The following KRT27 variants were observed in gnomAD, a reference collection of about 807,000 sequenced individuals.
The protein encoded by KRT27 is keratin, type I cytoskeletal 27.
Under a neutral mutation model 45.3 loss-of-function variants are expected in KRT27, and 30 were observed. The observed-to-expected ratio is 0.66, with a 90% CI of 0.50 to 0.90. The LOEUF (loss-of-function observed/expected upper bound fraction) is 0.90. Among genes scored for constraint, KRT27 ranks in the 40% least tolerant of loss-of-function variants. KRT27 has a pLI of 0.00. For missense variants in KRT27, 610 were observed against 564.3 expected, an observed-to-expected ratio of 1.08 and a Z score of -0.82; for synonymous variants, 204 against 223.9, an observed-to-expected ratio of 0.91 and a Z score of 0.79.
In KRT27 at chr17:40,782,444, C is replaced by G. The variant is rs1380860223; in HGVS notation, c.50G>C (p.Gly17Ala). ...STSRRLGSCGGTGSVRLSSGG... is the reference protein window; with the variant it reads ...STSRRLGSCGATGSVRLSSGG... The stretch of plus-strand genomic sequence containing the variant: ...ACTAGAGAGCCTCACAGAGCCAGTG[C>G]CCCCGCAAGAGCCAAGTCTCCTGGA... The change falls in exon 1 of 8, where the codon GGC becomes GCC. Residue 17 changes from glycine (G) to alanine (A), a missense_variant. Gly to Ala is a moderately conservative substitution (Grantham distance 60). Coordinates refer to ENST00000301656, the MANE Select transcript of KRT27 (RefSeq NM_181537.4). 4 of 1,606,070 alleles carry G rather than the reference C, an allele frequency of 2.5e-6. No homozygotes were observed. The highest frequency in any genetic ancestry group is 3.4e-6 in the Non-Finnish European group (4 of 1,176,242).
chr17:40,779,641 G>C lies in KRT27; in HGVS notation c.847-14C>G. ...CAGCGAGGCGCTCTGGAACGGCAGG[G>C]GCCGCGTTAGGGCGCTGGGGCTGAG... On this transcript the variant is annotated splice_polypyrimidine_tract_variant and intron_variant, in intron 4 of 7. Transcript: ENST00000301656. The C allele has an allele frequency of 2.5e-6, 4 of 1,613,950 alleles. No individual in the cohort carries two copies. Among genetic ancestry groups the C allele is most frequent in the South Asian group, 1.1e-5 (1 of 91,068 alleles).
rs150905404 is a variant in KRT27, at chr17:40,777,700, G to C, written c.1005C>G (p.Thr335=). Residue 335 remains threonine (T), a synonymous_variant, in exon 6 of 8, where the codon ACC becomes ACG. Coordinates refer to ENST00000301656, the MANE Select transcript of KRT27 (RefSeq NM_181537.4). ...CCAGCTGTGCACAGTAGTTACTCTCGGTCTCTGTCAAGGAGCACTCCAGGG... is the reference window on the plus strand; with the variant it reads ...CCAGCTGTGCACAGTAGTTACTCTCCGTCTCTGTCAAGGAGCACTCCAGGG... ...KHSLECSLTE[T]ESNYCAQLAQ... is the part of the protein sequence containing the mutation. 8.1e-6 allele frequency: 13 copies of C among 1,614,034 alleles called. No homozygotes were observed. The highest frequency in any genetic ancestry group is 1.7e-5 in the Admixed American group (1 of 60,016).
intron 5 of KRT27, among the ~76,000 whole-genome samples, chr17:40,779,124 T>C (rs1384681493): frequency 6.6e-6 from 1 of 152,176 alleles, no homozygotes; most frequent in Non-Finnish European, 1.5e-5. Flanking sequence ...AACCAACCTC[T>C]TCCTATCCCC....
rs945101341 is a variant in KRT27 at position 40,777,094 on chromosome 17, C to A, written c.1285G>T (p.Asp429Tyr). ...GATGAGAGAACTTTGCCACGAGGAT[C>A]TATCTCTTCAACAACTGTTTTGACA... ...TIVKTVVEEI[D>Y]PRGKVLSSRV... Residue 429 changes from aspartate (D) to tyrosine (Y), a missense_variant, in exon 8 of 8, where the codon GAT becomes TAT. Physicochemically the swap from Asp to Tyr is radical, Grantham distance 160. Transcript: ENST00000301656. The A allele has an allele frequency of 1.2e-6, 2 of 1,613,924 alleles. No homozygotes were observed. Among genetic ancestry groups the A allele is most frequent in the African/African-American group, 2.7e-5 (2 of 74,912 alleles).
Position 40,779,498 on chromosome 17 carries a change from T to G in KRT27, c.972+4A>C, listed in dbSNP as rs116871734. The G allele has an allele frequency of 2.8e-3, 4,401 of 1,595,294 alleles. 128 individuals carry two copies. In the Admixed American group the frequency reaches 0.055, roughly 20 times the overall value. ...GCAAATCTGTTTTGTAACTTTTCGC[T>G]TACCGTTGCTAAGAGGGACTGAAGT... is the stretch of plus-strand genomic sequence containing the variant. On this transcript the variant is annotated splice_donor_region_variant and intron_variant, in intron 5 of 7. Transcript: ENST00000301656.
Position 40,780,671 on chromosome 17 carries a change from A to T in KRT27, c.528-215T>A, listed in dbSNP as rs1263255132. ...GTCAGGAGATCGAGATCACGGTGAA[A>T]CCCCGTCTCTATTAAAAAATACAAA... On this transcript the variant is annotated intron_variant, in intron 2 of 7. Coordinates refer to ENST00000301656, the MANE Select transcript of KRT27 (RefSeq NM_181537.4). 6.6e-5 allele frequency among the ~76,000 whole-genome samples: 10 copies of T among 151,656 alleles called. 1 individual carries two copies. In the East Asian group the frequency reaches 1.9e-3, roughly 29 times the overall value.
chr17:40,777,555 C>T lies in KRT27; in HGVS notation c.1150G>A (p.Glu384Lys). The T allele has an allele frequency of 6.2e-7, 1 of 1,613,962 alleles. No homozygotes were observed. The highest frequency in any genetic ancestry group is 8.5e-7 in the Non-Finnish European group (1 of 1,179,856). ...LLDIKVHLEKEIETYCLLIDG... is the reference protein window; with the variant it reads ...LLDIKVHLEKKIETYCLLIDG... The stretch of plus-strand genomic sequence containing the variant: ...ATCAGGAGGCAGTAGGTCTCAATTT[C>T]TTTTTCCAGGTGGACCTTGATGTCA... The change falls in exon 6 of 8, where the codon GAA becomes AAA. Residue 384 changes from glutamate to lysine, a missense_variant. By Grantham distance (56) the Glu-to-Lys change is moderately conservative (BLOSUM62 1). Coordinates refer to ENST00000301656, the MANE Select transcript of KRT27 (RefSeq NM_181537.4).
Position 40,777,057 on chromosome 17 carries a change from G to C in KRT27, c.1322C>G (p.Thr441Ser). ...GACTTTGGTGGATTTCTCTTCCACA[G>C]TGTGAACTCTGGATGAGAGAACTTT... ...RGKVLSSRVHTVEEKSTKVNN... is the reference protein window; with the variant it reads ...RGKVLSSRVHSVEEKSTKVNN... The change falls in exon 8 of 8, where the codon ACT becomes AGT. Residue 441 changes from threonine to serine, a missense_variant. Coordinates refer to ENST00000301656, the MANE Select transcript of KRT27 (RefSeq NM_181537.4). The C allele has an allele frequency of 6.2e-7, 1 of 1,613,840 alleles. No individual in the cohort carries two copies.
At position 40,779,785 on chromosome 17, in the gene KRT27, G is replaced by A. The variant is rs768925945; in HGVS notation, c.761C>T (p.Thr254Met). The part of the protein sequence containing the change: ...EMNAAPGVDL[T>M]VLLNNMRAEY... ...AGCTCGCATATTGTTCAGCAGAACC[G>A]TGAGGTCTACCCCGGGGGCCGCGTT... Residue 254 changes from threonine (T) to methionine (M), a missense_variant, in exon 4 of 8, where the codon ACG becomes ATG. By Grantham distance (81) the Thr-to-Met change is moderately conservative (BLOSUM62 -1). Coordinates refer to ENST00000301656, the MANE Select transcript of KRT27 (RefSeq NM_181537.4). 2 of 1,614,142 alleles carry A rather than the reference G, an allele frequency of 1.2e-6. No homozygotes were observed. Among genetic ancestry groups the A allele is most frequent in the East Asian group, 2.2e-5 (1 of 44,906 alleles).
chr17:40,782,301 C>T lies in KRT27; in HGVS notation c.193G>A (p.Gly65Arg), dbSNP rs760091102. 41 of 1,614,024 alleles carry T rather than the reference C, an allele frequency of 2.5e-5. No individual in the cohort carries two copies. Among genetic ancestry groups the T allele is most frequent in the Non-Finnish European group, 3.4e-5 (40 of 1,180,016 alleles). ...AGGYGGGLGGGSASCAAFTGN... is the reference protein window; with the variant it reads ...AGGYGGGLGGRSASCAAFTGN... ...GTGAAGGCAGCACAGGAAGCACTTC[C>T]CCCGCCCAGACCTCCGCCATAGCCT... The change falls in exon 1 of 8, where the codon GGA becomes AGA. Residue 65 changes from glycine (G) to arginine (R), a missense_variant. By Grantham distance (125) the Gly-to-Arg change is moderately radical. Coordinates refer to ENST00000301656, the MANE Select transcript of KRT27 (RefSeq NM_181537.4).
At chr17:40,781,104 GACA>G (rs112675287) in intron 2 of KRT27, 81 bp downstream of exon 2, 4 of 799,354 alleles carry the variant, frequency 5.0e-6, no homozygotes. Flanking sequence ...AAAGGCTTGA[GACA>G]ACGTCAAATA....
intron 3 of KRT27, 73 bp from the exon 4 acceptor site, chr17:40,779,934 C>A: frequency 6.7e-7 from 1 of 1,487,046 alleles, no homozygotes; most frequent in Non-Finnish European, 9.0e-7. Context: ...TAGGGTCTCG[C>A]TCTGATGCCT....
intron 1 of KRT27, 47 bp from the exon 2 acceptor site, chr17:40,781,317 A>G (rs1373320995): frequency 1.8e-6 from 2 of 1,106,184 alleles, no homozygotes; most frequent in Non-Finnish European, 2.7e-6. Context: ...TTTAAGATGC[A>G]TTTCAAAGTT....
chr17:40,779,705 C>G lies in KRT27; in HGVS notation c.841G>C (p.Glu281Gln), dbSNP rs746890732. ...NRRDAEAWFN[E>Q]KSASLQQQIS... ...GCACCCAAGCGTGGTTTTACCTTTT[C>G]GTTGAACCAGGCCTCCGCGTCCCTG... The change falls in exon 4 of 8, where the codon GAA (glutamate) becomes CAA (glutamine). Residue 281 changes from glutamate (E) to glutamine (Q), a missense_variant. Coordinates refer to ENST00000301656, the MANE Select transcript of KRT27 (RefSeq NM_181537.4). 4 of 1,613,730 alleles carry G rather than the reference C, an allele frequency of 2.5e-6. No individual in the cohort carries two copies. Among genetic ancestry groups the G allele is most frequent in the Non-Finnish European group, 3.4e-6 (4 of 1,179,786 alleles).
At chr17:40,780,174 G>T in intron 3 of KRT27, 126 bp downstream of exon 3, 1 of 1,017,648 alleles carries the variant, frequency 9.8e-7, no homozygotes, top group Non-Finnish European at 1.4e-6. Flanking sequence ...AACAATCTAA[G>T]CCTTATGGAG....
intron 5 of KRT27, 34 bp downstream of exon 5, chr17:40,779,468 C>T (rs1285113429): frequency 1.3e-6 from 2 of 1,567,794 alleles, no homozygotes; most frequent in Admixed American, 2.0e-5. Context: ...TTCTCAATTT[C>T]TAAAGCAAAT....
chr17:40,782,348 A>G lies in KRT27; in HGVS notation c.146T>C (p.Phe49Ser). ...GCCTCCTGCAGATGAGCTGCCCCCA[A>G]AAGCACAAGAGAAGCCACTTCCAAT... ...PGIGSGFSCA[F>S]GGSSSAGGYG... Residue 49 changes from phenylalanine (F) to serine (S), a missense_variant, in exon 1 of 8, where the codon TTT becomes TCT. By Grantham distance (155) the Phe-to-Ser change is radical (BLOSUM62 -2). Transcript: ENST00000301656. The G allele has an allele frequency of 6.2e-7, 1 of 1,614,080 alleles. No homozygotes were observed. The highest frequency in any genetic ancestry group is 8.5e-7 in the Non-Finnish European group (1 of 1,179,992).
chr17:40,782,259 G>C lies in KRT27; in HGVS notation c.235C>G (p.Leu79Val), dbSNP rs758243302. The C allele has an allele frequency of 6.2e-7, 1 of 1,614,092 alleles. No homozygotes were observed. Among genetic ancestry groups the C allele is most frequent in the Non-Finnish European group, 8.5e-7 (1 of 1,180,050 alleles). ...GTCACCTTCTCATTGCCAGAGAGGA[G>C]GCCGTGCTCATTCCCTGTGAAGGCA... ...CAAFTGNEHG[L>V]LSGNEKVTMQ... The change falls in exon 1 of 8, where the codon CTC becomes GTC. Residue 79 changes from leucine to valine, a missense_variant. Transcript: ENST00000301656.
intron 3 of KRT27, 47 bp from the exon 4 acceptor site, chr17:40,779,908 A>AT (rs746500877): frequency 6.4e-7 from 1 of 1,565,416 alleles, no homozygotes; most frequent in East Asian, 2.2e-5. Flanking sequence ...TATTTTATTT[A>AT]TTGCACTTTT....
Sources: allele counts gnomAD v4.1 joint callset (sites outside exome capture counted in the v4.1 genomes callset), GRCh38; gene constraint gnomAD v4.1.1; transcripts MANE v1.5; gene names NCBI Gene and HGNC (gene_info 2026-07-23, HGNC 2026-07-21).